The following KLHDC10 variants were observed in gnomAD, a reference collection of about 807,000 sequenced individuals.
The protein encoded by KLHDC10 is kelch domain-containing protein 10.
Under a neutral mutation model 56.1 loss-of-function variants are expected in KLHDC10, and 24 were observed. The observed-to-expected ratio is 0.43, with a 90% CI of 0.31 to 0.60. KLHDC10 has a LOEUF of 0.60. Ranked by LOEUF, KLHDC10 falls within the 20% of genes least tolerant of loss-of-function variation. The pLI, the probability that KLHDC10 is intolerant of heterozygous loss-of-function variation, is 0.11. For synonymous variants in KLHDC10, 188 were observed against 207.1 expected, an observed-to-expected ratio of 0.91 and a Z score of 0.79; for missense variants, 349 against 567.0, an observed-to-expected ratio of 0.62 and a Z score of 3.91.
At chr7:130,125,998 G>T in intron 7 of KLHDC10, 67 bp downstream of exon 7, 1 of 1,202,366 alleles carries the variant, frequency 8.3e-7, no homozygotes, top group Non-Finnish European at 1.2e-6. Flanking sequence ...CATTTTGGAA[G>T]GAAAAAGTAA....
intron 1 of KLHDC10, among the ~76,000 whole-genome samples, chr7:130,091,968 A>G (rs891310921): frequency 9.2e-5 from 14 of 152,256 alleles, no homozygotes; most frequent in Non-Finnish European, 1.6e-4. Flanking sequence ...GAGTAGGTAT[A>G]GAATTCTAAA....
At chr7:130,073,731 G>T (rs759435638) in intron 1 of KLHDC10, among the ~76,000 whole-genome samples, 10 of 152,240 alleles carry the variant, frequency 6.6e-5, no homozygotes, top group South Asian at 6.2e-4. Flanking sequence ...GGTCTTCCTG[G>T]AGTGTTCTCA....
intron 1 of KLHDC10, among the ~76,000 whole-genome samples, chr7:130,073,086 C>T (rs933545682): frequency 1.3e-5 from 2 of 150,670 alleles, no homozygotes; most frequent in East Asian, 2.0e-4. Flanking sequence ...TGTACTATAG[C>T]GGCTGGTCGT....
intron 1 of KLHDC10, among the ~76,000 whole-genome samples, chr7:130,079,713 G>GCCTGCCTT (rs149154599): frequency 6.9e-6 from 1 of 144,420 alleles, no homozygotes; most frequent in Admixed American, 6.8e-5. Context: ...TTGCCTGCCT[G>GCCTGCCTT]CCTGCCTTCC....
chr7:130,089,878 A>G (rs1584623352), intron 1 of KLHDC10, among the ~76,000 whole-genome samples: 1 of 151,910 alleles, frequency 6.6e-6, no homozygotes, highest in Non-Finnish European at 1.5e-5. Context: ...CTGATTCAAT[A>G]GTTTTCATTT....
intron 2 of KLHDC10, among the ~76,000 whole-genome samples, chr7:130,100,453 T>G (rs1029010087): frequency 2.0e-5 from 3 of 152,220 alleles, no homozygotes; most frequent in Non-Finnish European, 4.4e-5. Context: ...TTTACTCCAG[T>G]TTGTAGCATA....
chr7:130,129,573 A>G lies in KLHDC10; in HGVS notation c.1116A>G (p.Thr372=). 8.7e-6 allele frequency: 14 copies of G among 1,611,482 alleles called. No homozygotes were observed. The highest frequency in any genetic ancestry group is 1.1e-5 in the Non-Finnish European group (13 of 1,179,270). ...EPVYFHCAAV[T]PAGCMYIHGG... ...TTTATTTTCACTGTGCAGCTGTTAC[A>G]CCAGTAAGTTTTTATTTTCATATCT... The change falls in exon 9 of 10, where the codon ACA becomes ACG. Residue 372 remains threonine, a synonymous_variant. Coordinates refer to ENST00000335420, the MANE Select transcript of KLHDC10 (RefSeq NM_014997.4).
In KLHDC10 at chr7:130,135,099, A is replaced by C. The variant is rs1361621600; in HGVS notation, c.*4353A>C. 1.5e-5 allele frequency: 1 copy of C among 67,836 alleles called. No individual in the cohort carries two copies. The highest frequency in any genetic ancestry group is 3.4e-5 in the African/African-American group (1 of 29,832). 4.2% of individuals were successfully genotyped at this position (67,836 alleles called of 1,614,324 possible). A position where few individuals can be genotyped will look rare whatever the true frequency, so the allele number is the denominator to read the frequency against. ...TTTCATGTTTTTAATTTGAAAAAAA[A>C]AAAAAAAAAAAAACAACTTTTTATA... On this transcript the variant is annotated 3_prime_UTR_variant, in exon 10 of 10. Transcript: ENST00000335420.
At chr7:130,092,882 C>G (rs1484589590) in intron 1 of KLHDC10, among the ~76,000 whole-genome samples, 1 of 152,058 alleles carries the variant, frequency 6.6e-6, no homozygotes, top group African/African-American at 2.4e-5. Flanking sequence ...TGCCCTGGTC[C>G]TCTGCTCTTG....
intron 2 of KLHDC10, among the ~76,000 whole-genome samples, chr7:130,106,357 TA>T (rs1452482962): frequency 1.3e-5 from 2 of 152,112 alleles, no homozygotes; most frequent in Admixed American, 6.6e-5. Context: ...CAGCAAGTGT[TA>T]GGGGTAATAA....
chr7:130,118,044 G>A (rs111239125), intron 3 of KLHDC10, among the ~76,000 whole-genome samples: 4,681 of 151,654 alleles, frequency 0.031, 112 homozygotes, highest in Non-Finnish European at 0.05. Flanking sequence ...ATGGTGGCAG[G>A]CGCCAGTAAT....
chr7:130,107,108 A>G (rs1159843276), intron 2 of KLHDC10, among the ~76,000 whole-genome samples: 1 of 152,244 alleles, frequency 6.6e-6, no homozygotes, highest in Non-Finnish European at 1.5e-5. Flanking sequence ...ATGATGTATC[A>G]TTTATTGATA....
At chr7:130,093,872 T>C (rs1427802248) in intron 1 of KLHDC10, among the ~76,000 whole-genome samples, 28 of 152,094 alleles carry the variant, frequency 1.8e-4, no homozygotes, top group Non-Finnish European at 4.4e-5. Flanking sequence ...ATAGAAGCCC[T>C]GAGAAGACAT....
intron 2 of KLHDC10, among the ~76,000 whole-genome samples, chr7:130,113,753 A>T (rs892995440): frequency 2.2e-4 from 33 of 152,230 alleles, no homozygotes; most frequent in African/African-American, 6.3e-4. Context: ...TAAACTTATA[A>T]CATTACTTTC....
Position 130,116,693 on chromosome 7 carries a change from G to A in KLHDC10, c.475+27G>A. 1.9e-6 allele frequency: 3 copies of A among 1,556,240 alleles called. No individual in the cohort carries two copies. Among genetic ancestry groups the A allele is most frequent in the Non-Finnish European group, 2.7e-6 (3 of 1,128,068 alleles). ...TGAGTGCAAGCAGTTCGTAACTCCTGACTTTATGAAATGTCTGAGAAGCCA... is the reference window on the plus strand; with the variant it reads ...TGAGTGCAAGCAGTTCGTAACTCCTAACTTTATGAAATGTCTGAGAAGCCA... On this transcript the variant is annotated intron_variant, in intron 3 of 9. Coordinates refer to ENST00000335420, the MANE Select transcript of KLHDC10 (RefSeq NM_014997.4). This position sits in a 1 kb window ranked among gnomAD's most constrained non-coding sequence, Gnocchi z 4.8.
chr7:130,130,743 A>G lies in KLHDC10; in HGVS notation c.1326A>G (p.Lys442=). 1 of 1,613,768 alleles carries G rather than the reference A, an allele frequency of 6.2e-7. No individual in the cohort carries two copies. The highest frequency in any genetic ancestry group is 2.2e-5 in the East Asian group (1 of 44,900). ...GLTQGLIERL[K] ...CACAGGGACTCATCGAACGCTTGAA[A>G]TGAGGATTTCTGGACTGTTCATTGA... is the stretch of plus-strand genomic sequence containing the variant. Residue 442 remains lysine (K), a synonymous_variant, in exon 10 of 10, where the codon AAA becomes AAG. Coordinates refer to ENST00000335420, the MANE Select transcript of KLHDC10 (RefSeq NM_014997.4). This position sits in a 1 kb window ranked among gnomAD's most constrained non-coding sequence, Gnocchi z 4.2.
intron 1 of KLHDC10, among the ~76,000 whole-genome samples, chr7:130,077,078 G>T (rs1795514501): frequency 6.6e-6 from 1 of 152,076 alleles, no homozygotes; most frequent in Admixed American, 6.5e-5. Context: ...TATGTGGCCA[G>T]GCATGGGGGC....
intron 2 of KLHDC10, among the ~76,000 whole-genome samples, chr7:130,102,854 C>T (rs895381086): frequency 2.6e-5 from 4 of 151,924 alleles, no homozygotes; most frequent in Non-Finnish European, 4.4e-5. Context: ...AAACAAAAAA[C>T]GCTTCCATGG....
At chr7:130,097,087 T>G in intron 2 of KLHDC10, 80 bp downstream of exon 2, 1 of 1,002,686 alleles carries the variant, frequency 1.0e-6, no homozygotes, top group Non-Finnish European at 1.5e-6. Flanking sequence ...CTCAAAACTC[T>G]GGTTTTTAAA....
Sources: gnomAD v4.1 joint callset for allele counts (sites outside exome capture counted in the v4.1 genomes callset) on GRCh38, gnomAD v4.1.1 for gene constraint, Gnocchi (gnomAD v3.1) non-coding constraint, MANE v1.5 for transcripts, NCBI Gene and HGNC (gene_info 2026-07-23, HGNC 2026-07-21) for gene names.